The following PCDHGA4 variants were observed in gnomAD, a reference collection of about 807,000 sequenced individuals.
PCDHGA4 encodes protocadherin gamma subfamily A, 4, also known as protocadherin gamma-A4.
Under a neutral mutation model 54.6 loss-of-function variants are expected in PCDHGA4, and 38 were observed. The observed-to-expected ratio is 0.70, with a 90% confidence interval of 0.54 to 0.91. The LOEUF is 0.91. Ranked by LOEUF, PCDHGA4 falls within the 40% of genes least tolerant of loss-of-function variation. The probability of loss-of-function intolerance (pLI) is 0.00; values close to 1 mark genes in which losing one functional copy is unlikely to be tolerated. For missense variants in PCDHGA4, 1,298 were observed against 1,220.9 expected (o/e 1.06, Z -0.94); for synonymous variants, 511 against 512.9 (o/e 1.00, Z 0.05).
At chr5:141,472,066 T>C (rs1440684719) in intron 1 of PCDHGA4, among the ~76,000 whole-genome samples, 1 of 152,140 alleles carries the variant, frequency 6.6e-6, no homozygotes, top group African/African-American at 2.4e-5. Flanking sequence ...GACATGTCTG[T>C]GGTTATATCA....
At chr5:141,370,921 C>G in intron 1 of PCDHGA4, 1 of 1,613,978 alleles carries the variant, frequency 6.2e-7, no homozygotes, top group Non-Finnish European at 8.5e-7. Flanking sequence ...AGCCCTGATC[C>G]GCACTTCTCT....
At chr5:141,364,912 G>C (rs1763613717) in intron 1 of PCDHGA4, 1 of 1,613,966 alleles carries the variant, frequency 6.2e-7, no homozygotes, top group Non-Finnish European at 8.5e-7. Context: ...ATCCGGAGCT[G>C]GTGTTGGAAC....
Position 141,361,225 on chromosome 5 carries a change from A to G in PCDHGA4, c.2514+3604A>G, listed in dbSNP as rs748119164. 2.5e-6 allele frequency: 4 copies of G among 1,614,030 alleles called. No individual in the cohort carries two copies. In the Middle Eastern group the frequency reaches 4.9e-4, roughly 200 times the overall value. ...CCTACCGGAGGATTCGCCACCAGGAACAGTGATCGCCTTGATAAAAACGAG... is the reference window on the plus strand; with the variant it reads ...CCTACCGGAGGATTCGCCACCAGGAGCAGTGATCGCCTTGATAAAAACGAG... On this transcript the variant is annotated intron_variant, in intron 1 of 3. Transcript: ENST00000571252.
chr5:141,360,046 C>T, intron 1 of PCDHGA4: 1 of 1,430,464 alleles, frequency 7.0e-7, no homozygotes, highest in Non-Finnish European at 9.2e-7. Context: ...AAACAGAAAA[C>T]AAAAGCAGGA....
intron 1 of PCDHGA4, chr5:141,384,147 T>A: frequency 6.2e-7 from 1 of 1,613,270 alleles, no homozygotes; most frequent in Non-Finnish European, 8.5e-7. Flanking sequence ...AAACACTCTC[T>A]TTGTATAACA....
rs11410533 is a variant in PCDHGA4, at chr5:141,429,387, TAAAA to T, written c.2515-65415_2515-65412del. Among the ~76,000 whole-genome samples, 383 of 151,446 alleles carry T rather than the reference TAAAA, an allele frequency of 2.5e-3. 1 individual carries two copies. The highest frequency in any genetic ancestry group is 4.2e-3 in the South Asian group (20 of 4,786). ...AAATGGAGAAAATGTGTTTTTTTTT[TAAAA>T]AAAATTGAGATTAAGGTCTCATTAT... On this transcript the variant is annotated intron_variant, in intron 1 of 3. Transcript: ENST00000571252.
intron 1 of PCDHGA4, among the ~76,000 whole-genome samples, chr5:141,407,218 G>A (rs1056826116): frequency 1.3e-5 from 2 of 152,108 alleles, no homozygotes; most frequent in Admixed American, 6.5e-5. Flanking sequence ...CCTTAAGTGG[G>A]TAGCAAAAAA....
rs2099730037 is a variant in PCDHGA4 at position 141,491,783 on chromosome 5, A to G, written c.2515-3024A>G. The G allele has an allele frequency of 1.3e-6, 2 of 1,539,618 alleles. No homozygotes were observed. The highest frequency in any genetic ancestry group is 2.2e-5 in the Admixed American group (1 of 46,412). On this transcript the variant is annotated intron_variant, in intron 1 of 3. Transcript: ENST00000571252. The surrounding 1 kb of genome is among the most constrained non-coding windows in gnomAD (Gnocchi z 6.9). ...CGTCCTCATAAGGGATTGAACTTGC[A>G]TCCACTCCTCTCCGGCCGGCTTGGT...
intron 3 of PCDHGA4, among the ~76,000 whole-genome samples, chr5:141,510,203 G>A (rs1164886289): frequency 6.6e-6 from 1 of 151,680 alleles, no homozygotes; most frequent in Non-Finnish European, 1.5e-5. Flanking sequence ...AGCCCAGGAG[G>A]CAGAGGTTGC....
rs757755103 is a variant in PCDHGA4 at position 141,432,638 on chromosome 5, C to T, written c.2515-62169C>T. 1.2e-6 allele frequency: 2 copies of T among 1,613,810 alleles called. No homozygotes were observed. Among genetic ancestry groups the T allele is most frequent in the Non-Finnish European group, 8.5e-7 (1 of 1,179,930 alleles). ...GGTGGGTCTGCACACGGGCGAGGTG[C>T]GCACGGCGCGAGCCCTGCTGGACAG... is the stretch of plus-strand genomic sequence containing the variant. On this transcript the variant is annotated intron_variant, in intron 1 of 3. Transcript: ENST00000571252. The surrounding 1 kb of genome is among the most constrained non-coding windows in gnomAD (Gnocchi z 6.0).
intron 1 of PCDHGA4, chr5:141,394,313 C>T (rs2092972755): frequency 1.2e-6 from 2 of 1,614,022 alleles, no homozygotes; most frequent in East Asian, 2.2e-5. Flanking sequence ...AGGGGGCGCC[C>T]CTGTCCTCGT....
chr5:141,359,539 T>A (rs1181475445), intron 1 of PCDHGA4, among the ~76,000 whole-genome samples: 1 of 150,972 alleles, frequency 6.6e-6, no homozygotes, highest in African/African-American at 2.4e-5. Flanking sequence ...CTATAAGAAA[T>A]AAATAGGAAA....
chr5:141,431,376 CT>C lies in PCDHGA4; in HGVS notation c.2515-63430del. The C allele has an allele frequency of 1.2e-6, 2 of 1,613,436 alleles. No individual in the cohort carries two copies. The highest frequency in any genetic ancestry group is 1.7e-6 in the Non-Finnish European group (2 of 1,179,562). On this transcript the variant is annotated intron_variant, in intron 1 of 3. Transcript: ENST00000571252. This position sits in a 1 kb window ranked among gnomAD's most constrained non-coding sequence, Gnocchi z 4.8. ...CGCGCCCTGGACCGCGAAGAAAAGG[CT>C]GCTCACCACCTGGTCCTTACGGCCT...
chr5:141,510,919 C>T (rs748157000), intron 3 of PCDHGA4, 28 bp from the exon 4 acceptor site: 1 of 1,613,894 alleles, frequency 6.2e-7, no homozygotes, highest in East Asian at 2.2e-5. Context: ...AAGTTTAGCT[C>T]CCACCTGATC....
chr5:141,506,380 T>C (rs1209879935), intron 3 of PCDHGA4, among the ~76,000 whole-genome samples: 1 of 141,314 alleles, frequency 7.1e-6, no homozygotes, highest in Non-Finnish European at 1.5e-5. Flanking sequence ...ACCTGGGAGG[T>C]GGCTGTGGTG....
rs1591337394 is a variant in PCDHGA4, at chr5:141,434,573, C to A, written c.2515-60234C>A. 2.0e-5 allele frequency among the ~76,000 whole-genome samples: 3 copies of A among 152,336 alleles called. No individual in the cohort carries two copies. The South Asian group carries it at 6.2e-4, about 32-fold the overall frequency. On this transcript the variant is annotated intron_variant, in intron 1 of 3. Transcript: ENST00000571252. The stretch of plus-strand genomic sequence containing the variant: ...TCTGTGCCTTAAGGACATGCCCCTG[C>A]TGCAGATAACTACCTCAATCCATCC...
At chr5:141,363,604 C>A (rs907704240) in intron 1 of PCDHGA4, among the ~76,000 whole-genome samples, 2 of 152,196 alleles carry the variant, frequency 1.3e-5, no homozygotes, top group Non-Finnish European at 2.9e-5. Context: ...CAAACGCTGT[C>A]TGAGATAGTG....
intron 1 of PCDHGA4, among the ~76,000 whole-genome samples, chr5:141,473,922 A>T (rs1025156251): frequency 2.0e-5 from 3 of 152,182 alleles, no homozygotes; most frequent in South Asian, 2.1e-4. Flanking sequence ...GAAAACTATG[A>T]GCTGGGTGCA....
At chr5:141,362,239 C>G in intron 1 of PCDHGA4, 1 of 1,614,060 alleles carries the variant, frequency 6.2e-7, no homozygotes, top group Non-Finnish European at 8.5e-7. Flanking sequence ...GATCTCAGTG[C>G]TCTTCTTCCT....
Sources: gnomAD v4.1 joint callset for allele counts (sites outside exome capture counted in the v4.1 genomes callset) on GRCh38, gnomAD v4.1.1 for gene constraint, Gnocchi (gnomAD v3.1) non-coding constraint, MANE v1.5 for transcripts, NCBI Gene and HGNC (gene_info 2026-07-23, HGNC 2026-07-21) for gene names.